The following RANBP17 variants were observed in gnomAD, a reference collection of about 807,000 sequenced individuals.
RANBP17 encodes ran-binding protein 17.
Under a neutral mutation model 141.2 loss-of-function variants are expected in RANBP17, and 158 were observed. The observed-to-expected ratio is 1.12, with a 90% CI of 0.98 to 1.28. The LOEUF is 1.28. RANBP17 is among the 50% of genes most tolerant of loss of function. The pLI, the probability that RANBP17 is intolerant of heterozygous loss-of-function variation, is 0.00. For missense variants in RANBP17, 1,438 were observed against 1,290.7 expected, an observed-to-expected ratio of 1.11 and a Z score of -1.75; for synonymous variants, 430 against 450.0, an observed-to-expected ratio of 0.96 and a Z score of 0.56.
At chr5:171,139,429 T>C (rs1428499188) in intron 14 of RANBP17, among the ~76,000 whole-genome samples, 1 of 152,214 alleles carries the variant, frequency 6.6e-6, no homozygotes, top group African/African-American at 2.4e-5. Flanking sequence ...TACATACTTA[T>C]CTTTCTTTCA....
chr5:171,002,953 C>T (rs959838790), intron 14 of RANBP17, among the ~76,000 whole-genome samples: 1 of 152,034 alleles, frequency 6.6e-6, no homozygotes, highest in African/African-American at 2.4e-5. Context: ...AGAGTGAGTA[C>T]AACTGAAGGA....
intron 5 of RANBP17, among the ~76,000 whole-genome samples, chr5:170,905,571 C>T (rs57377086): frequency 6.6e-6 from 1 of 152,234 alleles, no homozygotes; most frequent in African/African-American, 2.4e-5. Flanking sequence ...CCATCACCTT[C>T]CTGAGTCCTC....
intron 14 of RANBP17, among the ~76,000 whole-genome samples, chr5:171,014,174 A>G (rs954686630): frequency 6.6e-6 from 1 of 151,922 alleles, no homozygotes; most frequent in African/African-American, 2.4e-5. Context: ...TTGGCATGGT[A>G]TATCTTTTTT....
chr5:171,175,615 C>T (rs913911191), intron 16 of RANBP17, among the ~76,000 whole-genome samples: 9 of 151,890 alleles, frequency 5.9e-5, no homozygotes, highest in Non-Finnish European at 1.0e-4. Context: ...AAAAAGTGGG[C>T]GAAGGATAGG....
chr5:171,018,786 A>G (rs1780633719), intron 14 of RANBP17, among the ~76,000 whole-genome samples: 1 of 152,160 alleles, frequency 6.6e-6, no homozygotes, highest in Admixed American at 6.5e-5. Flanking sequence ...AGAACTTCCA[A>G]TACTACATTG....
chr5:171,063,059 A>T (rs1004226074), intron 14 of RANBP17, among the ~76,000 whole-genome samples: 32 of 151,370 alleles, frequency 2.1e-4, no homozygotes, highest in Admixed American at 1.8e-3. Flanking sequence ...TTATACATTC[A>T]TCTAAATTTT....
At chr5:171,020,517 G>C (rs554278980) in intron 14 of RANBP17, among the ~76,000 whole-genome samples, 10 of 151,840 alleles carry the variant, frequency 6.6e-5, no homozygotes, top group Non-Finnish European at 1.5e-4. Context: ...TTGCCATTAC[G>C]TAATGCCCTT....
intron 14 of RANBP17, among the ~76,000 whole-genome samples, chr5:171,020,150 G>A (rs764626619): frequency 5.9e-5 from 9 of 151,988 alleles, no homozygotes; most frequent in South Asian, 2.1e-4. Context: ...TATGATTTCC[G>A]TTCTTTTGCA....
At chr5:171,145,644 A>C (rs1407691693) in intron 14 of RANBP17, among the ~76,000 whole-genome samples, 1 of 152,200 alleles carries the variant, frequency 6.6e-6, no homozygotes, top group Non-Finnish European at 1.5e-5. Flanking sequence ...ACAAGCGAGA[A>C]CCAATTACAC....
chr5:171,181,486 G>A (rs1465939738), intron 16 of RANBP17, among the ~76,000 whole-genome samples: 1 of 151,954 alleles, frequency 6.6e-6, no homozygotes. Context: ...AGTGCACTGA[G>A]CACCTGCTGA....
intron 25 of RANBP17, among the ~76,000 whole-genome samples, chr5:171,267,566 T>G (rs1411973010): frequency 6.6e-6 from 1 of 152,106 alleles, no homozygotes; most frequent in Non-Finnish European, 1.5e-5. Context: ...TCAGCACCTT[T>G]GGGAGGCCAA....
chr5:170,987,940 A>T (rs548954667), intron 14 of RANBP17, among the ~76,000 whole-genome samples: 3 of 151,782 alleles, frequency 2.0e-5, no homozygotes, highest in Non-Finnish European at 4.4e-5. Context: ...TTTATTTATC[A>T]TACCAAATAT....
chr5:171,276,496 G>A (rs907588397), intron 25 of RANBP17, among the ~76,000 whole-genome samples: 4 of 152,148 alleles, frequency 2.6e-5, no homozygotes, highest in African/African-American at 9.7e-5. Context: ...TAAAAAATAT[G>A]ATGTGGTTTG....
At chr5:170,957,551 T>C (rs953928368) in intron 13 of RANBP17, among the ~76,000 whole-genome samples, 2 of 152,234 alleles carry the variant, frequency 1.3e-5, no homozygotes, top group African/African-American at 2.4e-5. Context: ...CTTTCCCAAC[T>C]GAGGTTGAAC....
At chr5:171,183,832 T>TA (rs1234170600) in intron 18 of RANBP17, among the ~76,000 whole-genome samples, 1 of 152,216 alleles carries the variant, frequency 6.6e-6, no homozygotes, top group Non-Finnish European at 1.5e-5. Flanking sequence ...TAGGGAATTG[T>TA]AAAATTATGG....
intron 14 of RANBP17, among the ~76,000 whole-genome samples, chr5:171,154,468 C>T (rs1032678884): frequency 3.3e-5 from 5 of 152,082 alleles, no homozygotes; most frequent in Admixed American, 1.3e-4. Context: ...TTAGCAGAGA[C>T]GGGGTTTCCC....
chr5:171,277,066 T>C (rs1767534840), intron 25 of RANBP17, among the ~76,000 whole-genome samples: 1 of 151,620 alleles, frequency 6.6e-6, no homozygotes, highest in African/African-American at 2.4e-5. Flanking sequence ...ATTTTTGGTT[T>C]GTCTTTTTTT....
chr5:171,213,639 C>G lies in RANBP17; in HGVS notation c.2240C>G (p.Thr747Arg). 1 of 1,610,786 alleles carries G rather than the reference C, an allele frequency of 6.2e-7. No homozygotes were observed. The change falls in exon 21 of 28, where the codon ACG (threonine) becomes AGG (arginine). Residue 747 changes from threonine (T) to arginine (R), a missense_variant. Physicochemically the swap from Thr to Arg is moderately conservative, Grantham distance 71. Coordinates refer to ENST00000523189, the MANE Select transcript of RANBP17 (RefSeq NM_022897.5). ...YTMLFDWMYP[T>R]YLPLLQNAVE... ...AACAGGCTTTATAAAAGGTACCCAA[C>G]GTACCTTCCCCTTCTTCAGAATGCT...
At chr5:171,264,118 T>C (rs1766513144) in intron 24 of RANBP17, among the ~76,000 whole-genome samples, 1 of 152,188 alleles carries the variant, frequency 6.6e-6, no homozygotes, top group Non-Finnish European at 1.5e-5. Context: ...TACCTAGTTT[T>C]AATGTAGTGG....
Sources: gnomAD v4.1 joint callset for allele counts (sites outside exome capture counted in the v4.1 genomes callset) on GRCh38, gnomAD v4.1.1 for gene constraint, MANE v1.5 for transcripts, NCBI Gene and HGNC (gene_info 2026-07-23, HGNC 2026-07-21) for gene names.